The following SLIT2 variants were observed in gnomAD, a reference collection of about 807,000 sequenced individuals.
SLIT2 encodes slit guidance ligand 2.
Under a neutral mutation model 185.7 loss-of-function variants are expected in SLIT2, and 41 were observed. The ratio of observed to expected loss-of-function variants is 0.22; its 90% CI spans 0.17 to 0.29. The LOEUF is 0.29. Among genes scored for constraint, SLIT2 ranks in the 10% least tolerant of loss-of-function variants. The pLI, the probability that SLIT2 is intolerant of heterozygous loss-of-function variation, is 1.00. For missense variants in SLIT2, 1,571 were observed against 1,909.0 expected (o/e 0.82, Z 3.30); for synonymous variants, 693 against 680.2 (o/e 1.02, Z -0.29).
At chr4:20,364,358 C>G (rs916551389) in intron 4 of SLIT2, 5 of 773,648 alleles carry the variant, frequency 6.5e-6, no homozygotes, top group Non-Finnish European at 7.9e-6. Context: ...GACAGTTCAC[C>G]CATTAGCTCT....
chr4:20,594,152 CATATGTATGTGTGTAT>C (rs1560223469), intron 30 of SLIT2, among the ~76,000 whole-genome samples: 3 of 147,488 alleles, frequency 2.0e-5, no homozygotes, highest in Non-Finnish European at 3.0e-5. Flanking sequence ...TACACACATA[CATATGTATGTGTGTAT>C]ATATGTATGT....
At chr4:20,478,672 C>A (rs1716371518) in intron 5 of SLIT2, among the ~76,000 whole-genome samples, 2 of 152,168 alleles carry the variant, frequency 1.3e-5, no homozygotes, top group Admixed American at 1.3e-4. Flanking sequence ...CTGCATTAGG[C>A]AAATTTGATA....
chr4:20,301,755 G>T (rs1717065611), intron 4 of SLIT2, among the ~76,000 whole-genome samples: 1 of 152,144 alleles, frequency 6.6e-6, no homozygotes, highest in Non-Finnish European at 1.5e-5. Flanking sequence ...AACCATTTTA[G>T]AATAATCCTC....
intron 4 of SLIT2, among the ~76,000 whole-genome samples, chr4:20,365,513 C>G (rs913829195): frequency 2.0e-5 from 3 of 152,106 alleles, no homozygotes; most frequent in Non-Finnish European, 4.4e-5. Context: ...ACGGGCTGTA[C>G]CCGATTGTTC....
chr4:20,464,732 T>A (rs1307170639), intron 4 of SLIT2, among the ~76,000 whole-genome samples: 2 of 152,216 alleles, frequency 1.3e-5, no homozygotes, highest in African/African-American at 2.4e-5. Context: ...CTCCATTCCC[T>A]GATTTTTGCC....
At chr4:20,355,657 T>G (rs1211395579) in intron 4 of SLIT2, among the ~76,000 whole-genome samples, 2 of 152,224 alleles carry the variant, frequency 1.3e-5, no homozygotes, top group Non-Finnish European at 2.9e-5. Context: ...TATAGCCTAC[T>G]GTCAACTCTA....
Position 20,617,443 on chromosome 4 carries a change from G to T in SLIT2, c.4141G>T (p.Val1381Leu). The T allele has an allele frequency of 6.2e-7, 1 of 1,613,710 alleles. No individual in the cohort carries two copies. ...CTGTGTTCCTCCTCCCTGTAGATGC[G>T]TACATGGCACCTGCTTGCCCATCAA... Reference protein sequence around the residue: ...TNDPCLGNKCVHGTCLPINAF... With the variant: ...TNDPCLGNKCLHGTCLPINAF... The change falls in exon 36 of 37, where the codon GTA becomes TTA. Residue 1381 changes from valine to leucine, a missense_variant. Coordinates refer to ENST00000504154, the MANE Select transcript of SLIT2 (RefSeq NM_004787.4).
intron 33 of SLIT2, among the ~76,000 whole-genome samples, chr4:20,608,781 G>T (rs534900108): frequency 8.5e-5 from 13 of 152,216 alleles, no homozygotes; most frequent in African/African-American, 2.6e-4. Flanking sequence ...CCTAGACTTT[G>T]CCATTTTACA....
intron 4 of SLIT2, among the ~76,000 whole-genome samples, chr4:20,302,987 C>T (rs927144275): frequency 4.4e-5 from 4 of 90,068 alleles, no homozygotes; most frequent in African/African-American, 1.3e-4. Flanking sequence ...ATCCCATTAT[C>T]TACATTAAAT....
At chr4:20,274,654 C>G in intron 4 of SLIT2, among the ~76,000 whole-genome samples, 1 of 151,956 alleles carries the variant, frequency 6.6e-6, no homozygotes, top group Non-Finnish European at 1.5e-5. Flanking sequence ...CTGTTACCAA[C>G]ACACAGAGTG....
chr4:20,255,747 C>G (rs1391542037), intron 1 of SLIT2, among the ~76,000 whole-genome samples: 1 of 152,084 alleles, frequency 6.6e-6, no homozygotes, highest in African/African-American at 2.4e-5. Context: ...GAGGGATGAA[C>G]AAAAAGTTTC....
chr4:20,390,438 A>T (rs1299379244), intron 4 of SLIT2, among the ~76,000 whole-genome samples: 1 of 152,094 alleles, frequency 6.6e-6, no homozygotes, highest in African/African-American at 2.4e-5. Context: ...CAGAGATAAC[A>T]TTAGGATGCA....
intron 4 of SLIT2, among the ~76,000 whole-genome samples, chr4:20,317,926 T>C (rs1344849): frequency 0.24 from 36,361 of 152,030 alleles, 5,280 homozygotes; most frequent in East Asian, 0.6. Context: ...AAAGGATTTC[T>C]GTTGGATTTC....
intron 4 of SLIT2, among the ~76,000 whole-genome samples, chr4:20,425,446 T>A (rs1417219137): frequency 6.6e-6 from 1 of 152,112 alleles, no homozygotes; most frequent in Non-Finnish European, 1.5e-5. Flanking sequence ...ATAAATACCT[T>A]CCAAGTTTCT....
At chr4:20,468,454 T>G (rs1215297065) in intron 5 of SLIT2, among the ~76,000 whole-genome samples, 1 of 152,048 alleles carries the variant, frequency 6.6e-6, no homozygotes, top group Non-Finnish European at 1.5e-5. Flanking sequence ...AAGAATGTAT[T>G]TATAGCATCC....
At chr4:20,394,807 T>C (rs959467446) in intron 4 of SLIT2, 1 of 152,134 alleles carries the variant, frequency 6.6e-6, no homozygotes, top group African/African-American at 2.4e-5. Flanking sequence ...TGCCATTCTA[T>C]CATTTATCCA....
chr4:20,461,155 ACT>A (rs1263895182), intron 4 of SLIT2, among the ~76,000 whole-genome samples: 19 of 152,202 alleles, frequency 1.2e-4, no homozygotes, highest in African/African-American at 4.1e-4. Flanking sequence ...ACAATGTTTA[ACT>A]CTCCATCTCA....
At chr4:20,489,301 C>G (rs1471846917) in intron 8 of SLIT2, among the ~76,000 whole-genome samples, 2 of 152,066 alleles carry the variant, frequency 1.3e-5, no homozygotes, top group Non-Finnish European at 2.9e-5. Context: ...TTTATAGCTA[C>G]TTTTATGTTA....
chr4:20,540,899 A>G (rs991484888), intron 19 of SLIT2, among the ~76,000 whole-genome samples: 1 of 152,216 alleles, frequency 6.6e-6, no homozygotes, highest in Non-Finnish European at 1.5e-5. Flanking sequence ...TGAAATTTGT[A>G]GAAGTAAATT....
Sources: gnomAD v4.1 joint callset for allele counts (sites outside exome capture counted in the v4.1 genomes callset) on GRCh38, gnomAD v4.1.1 for gene constraint, MANE v1.5 for transcripts, NCBI Gene and HGNC (gene_info 2026-07-23, HGNC 2026-07-21) for gene names.